The following ATRN variants were observed in gnomAD, a reference collection of about 807,000 sequenced individuals.
ATRN encodes the protein attractin-2.
A neutral mutation model predicts 178.7 loss-of-function variants in ATRN; 54 were observed. That is an observed-to-expected ratio of 0.30 (90% CI 0.24 to 0.38). The LOEUF is 0.38. Among genes scored for constraint, ATRN ranks in the 10% least tolerant of loss-of-function variants. The pLI is 1.00. For missense variants in ATRN, 1,443 were observed against 1,815.1 expected (o/e 0.79, Z 3.73); for synonymous variants, 636 against 663.0 (o/e 0.96, Z 0.63).
chr20:3,616,612 A>G (rs2146308429), intron 24 of ATRN, among the ~76,000 whole-genome samples: 1 of 152,232 alleles, frequency 6.6e-6, no homozygotes, highest in East Asian at 1.9e-4. Context: ...GGGGAGGGCC[A>G]TTATGAAGAG....
intron 3 of ATRN, among the ~76,000 whole-genome samples, chr20:3,541,780 T>C (rs976359574): frequency 5.3e-5 from 8 of 152,232 alleles, no homozygotes; most frequent in African/African-American, 1.7e-4. Context: ...AACCATAGTT[T>C]TCAGTTTTTC....
At chr20:3,542,071 CTT>C (rs2085629941) in intron 3 of ATRN, among the ~76,000 whole-genome samples, 1 of 152,226 alleles carries the variant, frequency 6.6e-6, no homozygotes, top group African/African-American at 2.4e-5. Flanking sequence ...TAGAGGTTCA[CTT>C]ACAAGGCCAA....
chr20:3,496,316 GCTTTGA>G (rs1475938972), intron 1 of ATRN, among the ~76,000 whole-genome samples: 2 of 150,830 alleles, frequency 1.3e-5, no homozygotes, highest in African/African-American at 4.9e-5. Context: ...TCTACACACT[GCTTTGA>G]ATGTGTCCCA....
intron 14 of ATRN, 111 bp downstream of exon 14, chr20:3,577,108 C>T (rs1359414565): frequency 7.6e-6 from 10 of 1,321,970 alleles, no homozygotes; most frequent in Non-Finnish European, 1.0e-5. Context: ...CTAATTCTGT[C>T]CATTCATCCC....
chr20:3,539,982 A>G (rs1339705920), intron 2 of ATRN, among the ~76,000 whole-genome samples: 1 of 152,182 alleles, frequency 6.6e-6, no homozygotes, highest in Admixed American at 6.5e-5. Context: ...AAGAGTGGCC[A>G]CTGAATGGAC....
At chr20:3,497,467 T>C (rs1372272841) in intron 1 of ATRN, among the ~76,000 whole-genome samples, 1 of 152,184 alleles carries the variant, frequency 6.6e-6, no homozygotes, top group Non-Finnish European at 1.5e-5. Context: ...AATTCTTTTC[T>C]TTAAGATTGT....
chr20:3,475,181 A>G (rs2084507935), intron 1 of ATRN, among the ~76,000 whole-genome samples: 1 of 152,190 alleles, frequency 6.6e-6, no homozygotes, highest in African/African-American at 2.4e-5. Context: ...TTTCTGATTT[A>G]GAATGGCATC....
intron 1 of ATRN, among the ~76,000 whole-genome samples, chr20:3,500,038 C>A (rs1482348868): frequency 6.6e-6 from 1 of 152,170 alleles, no homozygotes; most frequent in African/African-American, 2.4e-5. Flanking sequence ...TGAACAGACA[C>A]TTCTCAAAAG....
intron 6 of ATRN, among the ~76,000 whole-genome samples, chr20:3,550,553 G>T (rs2085773640): frequency 6.6e-6 from 1 of 152,130 alleles, no homozygotes; most frequent in Admixed American, 6.5e-5. Flanking sequence ...TTTCCTCCAG[G>T]TTCTTTTCTT....
At chr20:3,522,612 C>G (rs918722026) in intron 1 of ATRN, among the ~76,000 whole-genome samples, 1 of 152,238 alleles carries the variant, frequency 6.6e-6, no homozygotes, top group African/African-American at 2.4e-5. Context: ...CCCCGTGCCT[C>G]CTGACTAGGA....
chr20:3,530,231 A>AAT (rs1555812300), intron 1 of ATRN, among the ~76,000 whole-genome samples: 1 of 147,500 alleles, frequency 6.8e-6, no homozygotes, highest in East Asian at 2.0e-4. Context: ...ATATATATAT[A>AAT]ATATATATAT....
intron 17 of ATRN, 94 bp from the exon 18 acceptor site, chr20:3,584,553 C>A: frequency 1.2e-6 from 1 of 845,098 alleles, no homozygotes; most frequent in African/African-American, 1.7e-5. Flanking sequence ...ATATTTTTGA[C>A]TCAAGCCAGT....
intron 1 of ATRN, among the ~76,000 whole-genome samples, chr20:3,486,622 T>C (rs1410070030): frequency 6.6e-6 from 1 of 152,158 alleles, no homozygotes; most frequent in Admixed American, 6.5e-5. Flanking sequence ...CCTCAAGTAA[T>C]CTGTCCGCCT....
intron 11 of ATRN, among the ~76,000 whole-genome samples, chr20:3,568,098 GGC>G (rs1440081216): frequency 2.0e-5 from 3 of 151,700 alleles, no homozygotes; most frequent in Admixed American, 2.0e-4. Context: ...AGACTATCCT[GGC>G]TAACACTGTG....
intron 1 of ATRN, among the ~76,000 whole-genome samples, chr20:3,484,267 A>G (rs2084661142): frequency 6.6e-6 from 1 of 150,938 alleles, no homozygotes; most frequent in Non-Finnish European, 1.5e-5. Flanking sequence ...AAAAAACAAC[A>G]AAGAAACCAA....
At chr20:3,522,315 G>C (rs1331154186) in intron 1 of ATRN, among the ~76,000 whole-genome samples, 2 of 152,210 alleles carry the variant, frequency 1.3e-5, no homozygotes, top group African/African-American at 2.4e-5. Flanking sequence ...TATTAGAAAA[G>C]AGAAAAGATG....
intron 6 of ATRN, among the ~76,000 whole-genome samples, chr20:3,550,293 G>A (rs1333437332): frequency 6.6e-6 from 1 of 152,176 alleles, no homozygotes; most frequent in Non-Finnish European, 1.5e-5. Flanking sequence ...TAGGTGTGAA[G>A]CCTTATTTCT....
intron 1 of ATRN, among the ~76,000 whole-genome samples, chr20:3,473,676 C>T (rs2084466971): frequency 6.6e-6 from 1 of 152,172 alleles, no homozygotes; most frequent in Non-Finnish European, 1.5e-5. Flanking sequence ...ATGGTTGAGT[C>T]AGACGAGGAT....
At chr20:3,476,172 T>G (rs1194917469) in intron 1 of ATRN, among the ~76,000 whole-genome samples, 1 of 152,090 alleles carries the variant, frequency 6.6e-6, no homozygotes, top group Admixed American at 6.5e-5. Flanking sequence ...ACAAAAAATA[T>G]GTATATAGTG....
Sources: gnomAD v4.1 joint callset for allele counts (sites outside exome capture counted in the v4.1 genomes callset) on GRCh38, gnomAD v4.1.1 for gene constraint, MANE v1.5 for transcripts, NCBI Gene and HGNC (gene_info 2026-07-23, HGNC 2026-07-21) for gene names.